PRKCB: variants seen among roughly 807,000 people sequenced by gnomAD.
The protein encoded by PRKCB is protein kinase C beta type.
PRKCB carries 13 observed loss-of-function variants against 81.5 expected under a neutral mutation model. That is an observed-to-expected ratio of 0.16 (90% CI 0.10 to 0.25). PRKCB has a LOEUF of 0.25. Among genes scored for constraint, PRKCB ranks in the 10% least tolerant of loss-of-function variants. The probability of loss-of-function intolerance (pLI) is 1.00; values close to 1 mark genes in which losing one functional copy is unlikely to be tolerated. For synonymous variants in PRKCB, 335 were observed against 321.4 expected, an observed-to-expected ratio of 1.04 and a Z score of -0.45; for missense variants, 509 against 875.7, an observed-to-expected ratio of 0.58 and a Z score of 5.29.
intron 5 of PRKCB, among the ~76,000 whole-genome samples, chr16:24,089,588 G>C (rs1489205860): frequency 6.6e-6 from 1 of 152,150 alleles, no homozygotes; most frequent in Admixed American, 6.5e-5. Flanking sequence ...GGGCAACATA[G>C]AGAGACCCCC....
intron 3 of PRKCB, among the ~76,000 whole-genome samples, chr16:24,003,898 C>T (rs16973081): frequency 0.015 from 2,352 of 152,188 alleles, 64 homozygotes; most frequent in African/African-American, 0.054. Flanking sequence ...CCACAATAAC[C>T]GCTATTACCT....
At chr16:23,896,126 C>A (rs1317070844) in intron 2 of PRKCB, among the ~76,000 whole-genome samples, 1 of 144,340 alleles carries the variant, frequency 6.9e-6, no homozygotes, top group Non-Finnish European at 1.5e-5. Context: ...TTACTTCTTT[C>A]TTCTCCCAAT....
intron 2 of PRKCB, among the ~76,000 whole-genome samples, chr16:23,861,457 A>G (rs911360273): frequency 2.0e-5 from 3 of 152,146 alleles, no homozygotes; most frequent in African/African-American, 7.2e-5. Flanking sequence ...ATGAGCCACC[A>G]TGCCTGACCT....
chr16:24,010,344 G>T (rs1483807986), intron 3 of PRKCB, among the ~76,000 whole-genome samples: 1 of 152,166 alleles, frequency 6.6e-6, no homozygotes, highest in Non-Finnish European at 1.5e-5. Context: ...TTTTGACAGA[G>T]AATTCAAGAA....
At chr16:24,196,005 C>T (rs1231801425) in intron 16 of PRKCB, among the ~76,000 whole-genome samples, 5 of 152,190 alleles carry the variant, frequency 3.3e-5, no homozygotes, top group Non-Finnish European at 7.3e-5. Context: ...TGCCTTTTCC[C>T]CCTCATCAAA....
chr16:23,968,823 C>G (rs1964521359), intron 2 of PRKCB, among the ~76,000 whole-genome samples: 1 of 152,132 alleles, frequency 6.6e-6, no homozygotes, highest in Non-Finnish European at 1.5e-5. Context: ...AAGGGAAGGG[C>G]CTGGTCAATA....
chr16:24,091,422 C>T (rs1222159980), intron 5 of PRKCB, among the ~76,000 whole-genome samples: 1 of 152,104 alleles, frequency 6.6e-6, no homozygotes, highest in East Asian at 1.9e-4. Context: ...AGATGATTGA[C>T]ATTGTATCCT....
chr16:24,117,514 T>A (rs1286020623), intron 8 of PRKCB, among the ~76,000 whole-genome samples: 1 of 152,196 alleles, frequency 6.6e-6, no homozygotes, highest in Admixed American at 6.5e-5. Flanking sequence ...AATTTAATCC[T>A]TACAACAACC....
At chr16:24,111,806 T>A (rs1017047703) in intron 7 of PRKCB, among the ~76,000 whole-genome samples, 1 of 151,996 alleles carries the variant, frequency 6.6e-6, no homozygotes, top group Non-Finnish European at 1.5e-5. Context: ...TCTAAAATAA[T>A]AATAATGACA....
chr16:24,108,926 C>A (rs1164824314), intron 7 of PRKCB, among the ~76,000 whole-genome samples: 1 of 149,036 alleles, frequency 6.7e-6, no homozygotes, highest in Non-Finnish European at 1.5e-5. Context: ...CCAGTAGGGG[C>A]GGCCGGGCAG....
chr16:23,844,474 T>C (rs552780495), intron 2 of PRKCB, among the ~76,000 whole-genome samples: 2 of 152,308 alleles, frequency 1.3e-5, no homozygotes, highest in East Asian at 3.9e-4. Context: ...TATTTGTCCA[T>C]CCATGCATCC....
intron 2 of PRKCB, among the ~76,000 whole-genome samples, chr16:23,876,375 A>T (rs896572076): frequency 6.6e-6 from 1 of 152,234 alleles, no homozygotes; most frequent in African/African-American, 2.4e-5. Context: ...CGTCATTCCC[A>T]AAAGACTATC....
chr16:24,192,506 G>A (rs1967809268), intron 16 of PRKCB, among the ~76,000 whole-genome samples: 1 of 152,176 alleles, frequency 6.6e-6, no homozygotes, highest in Non-Finnish European at 1.5e-5. Flanking sequence ...CAGGAAACAG[G>A]GAACTCAGAG....
intron 3 of PRKCB, among the ~76,000 whole-genome samples, chr16:24,026,940 G>A (rs1295418298): frequency 6.6e-6 from 1 of 152,204 alleles, no homozygotes; most frequent in Non-Finnish European, 1.5e-5. Context: ...AGGTTAAGTA[G>A]GGGTGTAAGA....
intron 7 of PRKCB, among the ~76,000 whole-genome samples, chr16:24,111,516 G>A (rs980957292): frequency 6.6e-6 from 1 of 152,062 alleles, no homozygotes; most frequent in African/African-American, 2.4e-5. Flanking sequence ...GCTGGGCATG[G>A]TGGGATGTGC....
intron 2 of PRKCB, among the ~76,000 whole-genome samples, chr16:23,875,688 T>C (rs1268861235): frequency 4.1e-5 from 6 of 146,552 alleles, no homozygotes; most frequent in African/African-American, 7.5e-5. Flanking sequence ...CACACACATA[T>C]ATGTATGTAT....
chr16:24,208,320 G>C (rs1008851007), intron 16 of PRKCB: 2 of 152,238 alleles, frequency 1.3e-5, no homozygotes, highest in Non-Finnish European at 2.9e-5. Flanking sequence ...TGGCAGTGGT[G>C]ACCAAGCCAA....
intron 10 of PRKCB, among the ~76,000 whole-genome samples, chr16:24,164,151 C>A (rs1029934642): frequency 6.6e-6 from 1 of 152,092 alleles, no homozygotes; most frequent in Admixed American, 6.5e-5. Context: ...GGCAAGTGTC[C>A]CCCTGGCAGT....
intron 16 of PRKCB, among the ~76,000 whole-genome samples, chr16:24,206,596 T>C (rs1968049810): frequency 6.6e-6 from 1 of 152,182 alleles, no homozygotes; most frequent in African/African-American, 2.4e-5. Flanking sequence ...CCAGGCTCTT[T>C]CCTTTCCTCC....
Sources: allele counts gnomAD v4.1 joint callset (sites outside exome capture counted in the v4.1 genomes callset), GRCh38; gene constraint gnomAD v4.1.1; transcripts MANE v1.5; gene names NCBI Gene and HGNC (gene_info 2026-07-23, HGNC 2026-07-21).